The following ARHGEF12 variants were observed in gnomAD, a reference collection of about 807,000 sequenced individuals.
The protein encoded by ARHGEF12 is Rho guanine nucleotide exchange factor 12.
Under a neutral mutation model 211.2 loss-of-function variants are expected in ARHGEF12, and 66 were observed. The observed-to-expected ratio is 0.31, with a 90% CI of 0.26 to 0.38. ARHGEF12 has a LOEUF of 0.38. Among genes scored for constraint, ARHGEF12 ranks in the 10% least tolerant of loss-of-function variants. ARHGEF12 has a pLI of 1.00. For missense variants in ARHGEF12, 1,429 were observed against 1,869.5 expected (o/e 0.76, Z 4.34); for synonymous variants, 592 against 638.4 (o/e 0.93, Z 1.09).
intron 27 of ARHGEF12, among the ~76,000 whole-genome samples, chr11:120,461,007 C>G (rs1946510457): frequency 6.6e-6 from 1 of 152,202 alleles, no homozygotes; most frequent in South Asian, 2.1e-4. Flanking sequence ...TCAGGCTCCA[C>G]TGTAATCCTA....
rs762144140 is a variant in ARHGEF12, at chr11:120,447,918, G to GT, written c.1622+20dup. 1.1e-4 allele frequency: 167 copies of GT among 1,545,450 alleles called. No individual in the cohort carries two copies. Among genetic ancestry groups the GT allele is most frequent in the Admixed American group, 2.4e-4 (11 of 45,386 alleles). On this transcript the variant is annotated intron_variant, in intron 19 of 40. Coordinates refer to ENST00000397843, the MANE Select transcript of ARHGEF12 (RefSeq NM_015313.3). Reference sequence around the variant, plus strand: ...GAGGAAGATAAGAGGTAACATAACTGTTTTTTTTCCCCTAGAATTTTAAGA... The same window carrying GT: ...GAGGAAGATAAGAGGTAACATAACTGTTTTTTTTTCCCCTAGAATTTTAAGA...
intron 1 of ARHGEF12, among the ~76,000 whole-genome samples, chr11:120,342,212 G>A (rs1942558349): frequency 6.6e-6 from 1 of 152,062 alleles, no homozygotes; most frequent in South Asian, 2.1e-4. Context: ...GATGAAGTCA[G>A]TTGGATTTTT....
chr11:120,355,208 A>T (rs1943097148), intron 1 of ARHGEF12, among the ~76,000 whole-genome samples: 1 of 152,198 alleles, frequency 6.6e-6, no homozygotes. Flanking sequence ...TTGTTTTCCC[A>T]TATTTATTTT....
Position 120,440,230 on chromosome 11 carries a change from T to G in ARHGEF12, c.1092+9T>G. The G allele has an allele frequency of 6.3e-7, 1 of 1,596,208 alleles. No homozygotes were observed. The highest frequency in any genetic ancestry group is 8.6e-7 in the Non-Finnish European group (1 of 1,169,472). On this transcript the variant is annotated intron_variant, in intron 13 of 40. Transcript: ENST00000397843. ...GTACTGAACATGAACAGGTGATGAC[T>G]TTTTTCTTTCTAAAAAATAGATTGT...
At chr11:120,432,368 A>C (rs1255704334) in intron 11 of ARHGEF12, among the ~76,000 whole-genome samples, 1 of 152,238 alleles carries the variant, frequency 6.6e-6, no homozygotes, top group African/African-American at 2.4e-5. Flanking sequence ...GTTTAGTGAC[A>C]GCACTTTCTT....
At chr11:120,474,735 A>G in intron 32 of ARHGEF12, 100 bp downstream of exon 32, 1 of 801,602 alleles carries the variant, frequency 1.2e-6, no homozygotes, top group East Asian at 2.5e-5. Flanking sequence ...CCATTCTCTC[A>G]GCAGTTTGCA....
intron 12 of ARHGEF12, among the ~76,000 whole-genome samples, chr11:120,437,882 C>T (rs1199388771): frequency 6.6e-6 from 1 of 152,176 alleles, no homozygotes; most frequent in Non-Finnish European, 1.5e-5. Context: ...AGCTTTCATC[C>T]GTGTTGTAGC....
intron 11 of ARHGEF12, 58 bp downstream of exon 11, chr11:120,431,969 C>T (rs1945555941): frequency 6.9e-7 from 1 of 1,453,282 alleles, no homozygotes; most frequent in Admixed American, 2.4e-5. Context: ...CAGCCCCTTT[C>T]TAGATTTGAT....
At chr11:120,359,516 A>G (rs1031301567) in intron 1 of ARHGEF12, among the ~76,000 whole-genome samples, 1 of 152,248 alleles carries the variant, frequency 6.6e-6, no homozygotes, top group Non-Finnish European at 1.5e-5. Flanking sequence ...TGCTGGGATT[A>G]CAGGCATAAG....
At chr11:120,461,744 A>G (rs947942974) in intron 27 of ARHGEF12, among the ~76,000 whole-genome samples, 9 of 152,320 alleles carry the variant, frequency 5.9e-5, no homozygotes, top group Middle Eastern at 3.4e-3. Flanking sequence ...CGTCTTCTGG[A>G]TAACTTACTA....
At chr11:120,426,240 G>A (rs555706499) in intron 7 of ARHGEF12, among the ~76,000 whole-genome samples, 146 of 152,242 alleles carry the variant, frequency 9.6e-4, no homozygotes, top group African/African-American at 3.4e-3. Flanking sequence ...CCATTGAGGT[G>A]TATAAAAACA....
chr11:120,439,779 G>C (rs903631057), intron 12 of ARHGEF12: 1 of 164,656 alleles, frequency 6.1e-6, no homozygotes, highest in African/African-American at 2.4e-5. Context: ...TTTTCTGTAA[G>C]AAGTTTTAAG....
rs1187817227 is a variant in ARHGEF12 at position 120,489,931 on chromosome 11, C to A, written c.*4854C>A. The A allele has an allele frequency of 5.6e-6, 1 of 179,328 alleles. No homozygotes were observed. Among genetic ancestry groups the A allele is most frequent in the Non-Finnish European group, 1.2e-5 (1 of 83,760 alleles). The allele number at this position is 179,328 out of a possible 1,614,324, so 11.1% of individuals were successfully genotyped here. A position where few individuals can be genotyped will look rare whatever the true frequency, so the allele number is the denominator to read the frequency against. On this transcript the variant is annotated 3_prime_UTR_variant, in exon 41 of 41. Coordinates refer to ENST00000397843, the MANE Select transcript of ARHGEF12 (RefSeq NM_015313.3). ...TGGAGACAATAAAACTCTGTATTTG[C>A]ATGTGAGCAGTTACTTCTATTTTTT...
In ARHGEF12 at chr11:120,448,525, CAT is replaced by C. The variant is rs1444062604; in HGVS notation, c.1737+181_1737+182del. 4 of 591,148 alleles carry C rather than the reference CAT, an allele frequency of 6.8e-6. No individual in the cohort carries two copies. The African/African-American group carries it at 7.5e-5, about 11-fold the overall frequency. 36.6% of individuals were successfully genotyped at this position (591,148 alleles called of 1,614,324 possible). On this transcript the variant is annotated intron_variant, in intron 20 of 40. Transcript: ENST00000397843. ...CTCAAAATACAGTGAGAAATCCAGA[CAT>C]ATAAACTATTATTAGACAATGTGAA...
intron 27 of ARHGEF12, among the ~76,000 whole-genome samples, chr11:120,461,373 A>T (rs977903621): frequency 6.6e-6 from 1 of 152,104 alleles, no homozygotes; most frequent in East Asian, 1.9e-4. Context: ...GACCATGTGC[A>T]TTGTCAATGG....
intron 1 of ARHGEF12, among the ~76,000 whole-genome samples, chr11:120,394,815 T>A (rs1444309991): frequency 6.6e-6 from 1 of 151,590 alleles, no homozygotes; most frequent in Non-Finnish European, 1.5e-5. Flanking sequence ...CCCAGCACTT[T>A]GGGAAGCCGA....
chr11:120,411,833 A>G (rs1233446320), intron 4 of ARHGEF12: 1 of 151,322 alleles, frequency 6.6e-6, no homozygotes, highest in African/African-American at 2.4e-5. Flanking sequence ...AAAAAAAAGA[A>G]AGAAATAGTA....
At chr11:120,376,677 A>G (rs1943732293) in intron 1 of ARHGEF12, among the ~76,000 whole-genome samples, 1 of 152,096 alleles carries the variant, frequency 6.6e-6, no homozygotes, top group Non-Finnish European at 1.5e-5. Flanking sequence ...TCTTCTAGTT[A>G]TTTTTAAATG....
rs1565522626 is a variant in ARHGEF12 at position 120,485,800 on chromosome 11, C to G, written c.*723C>G. The G allele has an allele frequency of 8.6e-6, 2 of 233,098 alleles. No individual in the cohort carries two copies. Among genetic ancestry groups the G allele is most frequent in the Admixed American group, 1.1e-4 (2 of 17,770 alleles). The allele number at this position is 233,098 out of a possible 1,614,324, so 14.4% of individuals were successfully genotyped here. On this transcript the variant is annotated 3_prime_UTR_variant, in exon 41 of 41. Transcript: ENST00000397843. ...AGCACCTCTTCTCTGTAGCTGGGAT[C>G]AACCACAATTAATAGGAATCCTCAA...
Sources: gnomAD v4.1 joint callset for allele counts (sites outside exome capture counted in the v4.1 genomes callset) on GRCh38, gnomAD v4.1.1 for gene constraint, MANE v1.5 for transcripts, NCBI Gene and HGNC (gene_info 2026-07-23, HGNC 2026-07-21) for gene names.